COL5A1: variants seen among roughly 807,000 people sequenced by gnomAD.
COL5A1 encodes the protein collagen type V alpha 1 chain, also known as collagen alpha-1(V) chain.
COL5A1 carries 16 observed loss-of-function variants against 263.7 expected under a neutral mutation model. That is an observed-to-expected ratio of 0.06 (90% CI 0.04 to 0.09). The LOEUF (loss-of-function observed/expected upper bound fraction) is 0.09. Among genes scored for constraint, COL5A1 ranks in the 10% least tolerant of loss-of-function variants. The probability of loss-of-function intolerance (pLI) is 1.00; values close to 1 mark genes in which losing one functional copy is unlikely to be tolerated. For missense variants in COL5A1, 2,036 were observed against 2,540.5 expected, an observed-to-expected ratio of 0.80 and a Z score of 4.27; for synonymous variants, 1,012 against 1,004.5, an observed-to-expected ratio of 1.01 and a Z score of -0.14.
chr9:134,815,977 C>T lies in COL5A1; in HGVS notation c.4111C>T (p.Pro1371Ser). The part of the protein sequence containing the change: ...PPGDKGDDGE[P>S]GQTGSPGPTG... ...TGGTGACAAAGGAGATGATGGTGAA[C>T]CCGGGCAGACGGTGAGTCCACAATC... Residue 1371 changes from proline to serine, a missense_variant, in exon 52 of 66, where the codon CCC becomes TCC. By Grantham distance (74) the Pro-to-Ser change is moderately conservative (BLOSUM62 -1). Coordinates refer to ENST00000371817, the MANE Select transcript of COL5A1 (RefSeq NM_000093.5). 3 of 1,614,056 alleles carry T rather than the reference C, an allele frequency of 1.9e-6. No homozygotes were observed. In the South Asian group the frequency reaches 3.3e-5, roughly 18 times the overall value.
At chr9:134,729,573 CGT>C (rs1834798690) in intron 6 of COL5A1, among the ~76,000 whole-genome samples, 1 of 48,366 alleles carries the variant, frequency 2.1e-5, no homozygotes, top group Admixed American at 2.7e-4. Context: ...TGTGTGTGAG[CGT>C]GTGTGAGCGT....
chr9:134,840,781 A>G (rs1840000501), intron 65 of COL5A1, among the ~76,000 whole-genome samples: 1 of 152,210 alleles, frequency 6.6e-6, no homozygotes, highest in South Asian at 2.1e-4. Context: ...CTACACCCTC[A>G]CAGGGTGGAG....
At chr9:134,839,888 T>C (rs1839967040) in intron 65 of COL5A1, among the ~76,000 whole-genome samples, 2 of 152,234 alleles carry the variant, frequency 1.3e-5, no homozygotes, top group Non-Finnish European at 2.9e-5. Flanking sequence ...ACAGGAGAGC[T>C]GTGGCCACCC....
chr9:134,769,361 G>A (rs1354958195), intron 25 of COL5A1, among the ~76,000 whole-genome samples: 1 of 152,212 alleles, frequency 6.6e-6, no homozygotes, highest in Non-Finnish European at 1.5e-5. Flanking sequence ...GCGCGCAGCT[G>A]TGGGGCCCCG....
chr9:134,752,722 C>A, intron 14 of COL5A1, 77 bp downstream of exon 14: 1 of 1,204,900 alleles, frequency 8.3e-7, no homozygotes, highest in Non-Finnish European at 1.2e-6. Context: ...CGGACAGTGG[C>A]AGGTGGCCCT....
chr9:134,664,999 G>C (rs542238249), intron 1 of COL5A1, among the ~76,000 whole-genome samples: 2 of 152,324 alleles, frequency 1.3e-5, no homozygotes, highest in East Asian at 3.9e-4. Flanking sequence ...AGGAGTTCGA[G>C]ACCAGCCTGG....
chr9:134,829,756 G>A (rs1455655566), intron 63 of COL5A1, among the ~76,000 whole-genome samples: 5 of 152,110 alleles, frequency 3.3e-5, no homozygotes, highest in Non-Finnish European at 7.4e-5. Flanking sequence ...TCCCCCCAAG[G>A]ACCTGGGCCG....
chr9:134,760,844 ACACACATGCACACCACC>A (rs1406491430), intron 18 of COL5A1, among the ~76,000 whole-genome samples: 3 of 145,174 alleles, frequency 2.1e-5, no homozygotes, highest in African/African-American at 7.8e-5. Context: ...ACACATGCAT[ACACACATGCACACCACC>A]CACACATGCA....
intron 26 of COL5A1, among the ~76,000 whole-genome samples, chr9:134,773,592 G>C (rs1188876106): frequency 6.6e-6 from 1 of 152,238 alleles, no homozygotes; most frequent in South Asian, 2.1e-4. Flanking sequence ...GTTGTCACAG[G>C]CTCTGGAATC....
rs1839677227 is a variant in COL5A1 at position 134,832,476 on chromosome 9, T to C, written c.5136+2432T>C. ...CAGGGCTACCCACACTGCACCATAC[T>C]GAGAGAATACTGCAGAGAATCCCTC... On this transcript the variant is annotated intron_variant, in intron 64 of 65. Coordinates refer to ENST00000371817, the MANE Select transcript of COL5A1 (RefSeq NM_000093.5). Among the ~76,000 whole-genome samples, 3 of 152,148 alleles carry C rather than the reference T, an allele frequency of 2.0e-5. No homozygotes were observed. The South Asian group carries it at 6.2e-4, about 32-fold the overall frequency.
chr9:134,642,081 G>T lies in COL5A1; in HGVS notation c.-107G>T. The stretch of plus-strand genomic sequence containing the variant: ...GCCGAGGTCCCCATGACCTCCTAAA[G>T]TGGTGCGGTCCCTGCTGAGTGCGCT... On this transcript the variant is annotated 5_prime_UTR_variant, in exon 1 of 66. Transcript: ENST00000371817. This position sits in a 1 kb window ranked among gnomAD's most constrained non-coding sequence, Gnocchi z 4.5. 1.0e-6 allele frequency: 1 copy of T among 994,320 alleles called. No individual in the cohort carries two copies. Among genetic ancestry groups the T allele is most frequent in the Non-Finnish European group, 1.3e-6 (1 of 771,942 alleles). 61.6% of individuals were successfully genotyped at this position (994,320 alleles called of 1,614,324 possible).
intron 46 of COL5A1, 53 bp downstream of exon 46, chr9:134,811,652 T>C: frequency 7.3e-7 from 1 of 1,366,322 alleles, no homozygotes; most frequent in Non-Finnish European, 1.0e-6. Flanking sequence ...ACGCCCCCTG[T>C]GTCTTCATTG....
rs1360525237 is a variant in COL5A1 at position 134,794,626 on chromosome 9, G to C, written c.2701-456G>C. On this transcript the variant is annotated intron_variant, in intron 32 of 65. Coordinates refer to ENST00000371817, the MANE Select transcript of COL5A1 (RefSeq NM_000093.5). The surrounding 1 kb of genome is among the most constrained non-coding windows in gnomAD (Gnocchi z 4.3). ...CTGCAGAGCCTGTTGAAAATTTAAT[G>C]GCTAATATTCTTAACTGTAGCAAAA... is the stretch of plus-strand genomic sequence containing the variant. 6.6e-6 allele frequency among the ~76,000 whole-genome samples: 1 copy of C among 152,154 alleles called. No homozygotes were observed. Among genetic ancestry groups the C allele is most frequent in the Non-Finnish European group, 1.5e-5 (1 of 68,036 alleles).
At chr9:134,646,757 G>T (rs989912985) in intron 1 of COL5A1, among the ~76,000 whole-genome samples, 7 of 152,118 alleles carry the variant, frequency 4.6e-5, no homozygotes, top group African/African-American at 1.7e-4. Flanking sequence ...GTGATTTTGG[G>T]TACCTGTGCT....
At chr9:134,835,964 GT>G (rs1839839836) in intron 65 of COL5A1, among the ~76,000 whole-genome samples, 1 of 152,210 alleles carries the variant, frequency 6.6e-6, no homozygotes, top group African/African-American at 2.4e-5. Context: ...CCTCAGACAT[GT>G]CCCCCTCGTG....
intron 64 of COL5A1, among the ~76,000 whole-genome samples, chr9:134,830,808 C>A (rs556983653): frequency 6.6e-6 from 1 of 152,186 alleles, no homozygotes; most frequent in African/African-American, 2.4e-5. Flanking sequence ...GGTGTAGTGC[C>A]CAAGAGCCAG....
At chr9:134,717,191 G>C (rs779360826) in intron 4 of COL5A1, among the ~76,000 whole-genome samples, 1 of 152,194 alleles carries the variant, frequency 6.6e-6, no homozygotes, top group Non-Finnish European at 1.5e-5. Context: ...GAAGTGCCTC[G>C]TGGAGAAGGG....
intron 18 of COL5A1, among the ~76,000 whole-genome samples, chr9:134,759,662 A>T (rs1564438438): frequency 1.1e-5 from 1 of 87,182 alleles, no homozygotes. Context: ...ACACATACGC[A>T]TGCACACCCC....
intron 1 of COL5A1, among the ~76,000 whole-genome samples, chr9:134,675,429 C>A (rs538262326): frequency 6.6e-6 from 1 of 152,184 alleles, no homozygotes; most frequent in Non-Finnish European, 1.5e-5. Context: ...CTAGTAACAT[C>A]GAATGTTATT....
Sources: gnomAD v4.1 joint callset for allele counts (sites outside exome capture counted in the v4.1 genomes callset) on GRCh38, gnomAD v4.1.1 for gene constraint, Gnocchi (gnomAD v3.1) non-coding constraint, MANE v1.5 for transcripts, NCBI Gene and HGNC (gene_info 2026-07-23, HGNC 2026-07-21) for gene names.